The following SRPK1 variants were observed in gnomAD, a reference collection of about 807,000 sequenced individuals.
SRPK1 encodes the protein SFRS protein kinase 1.
SRPK1 carries 52 observed loss-of-function variants against 89.5 expected under a neutral mutation model. The ratio of observed to expected loss-of-function variants is 0.58; its 90% CI spans 0.46 to 0.73. SRPK1 has a LOEUF of 0.73. Among genes scored for constraint, SRPK1 ranks in the 30% least tolerant of loss-of-function variants. SRPK1 has a pLI of 0.00. For missense variants in SRPK1, 603 were observed against 780.6 expected (o/e 0.77, Z 2.71); for synonymous variants, 255 against 270.2 (o/e 0.94, Z 0.55).
At chr6:35,889,015 A>T in intron 3 of SRPK1, 92 bp from the exon 4 acceptor site, 1 of 783,960 alleles carries the variant, frequency 1.3e-6, no homozygotes. Flanking sequence ...TTCAACATCT[A>T]TATACCTTTT....
chr6:35,899,340 A>G (rs1026522154), intron 2 of SRPK1, among the ~76,000 whole-genome samples: 1 of 152,114 alleles, frequency 6.6e-6, no homozygotes, highest in Non-Finnish European at 1.5e-5. Context: ...ACCCTTTCAG[A>G]GAACTTCCTT....
At chr6:35,848,860 G>A (rs1016790804) in intron 13 of SRPK1, among the ~76,000 whole-genome samples, 1 of 152,192 alleles carries the variant, frequency 6.6e-6, no homozygotes, top group Non-Finnish European at 1.5e-5. Flanking sequence ...ATGGATGAAA[G>A]ACTTAATAAG....
intron 2 of SRPK1, among the ~76,000 whole-genome samples, chr6:35,909,808 A>G (rs1770923602): frequency 6.6e-6 from 1 of 152,128 alleles, no homozygotes; most frequent in Admixed American, 6.5e-5. Flanking sequence ...TGTGAAGAAG[A>G]TGCCTGCTTC....
chr6:35,856,622 T>C (rs755047042), intron 13 of SRPK1, among the ~76,000 whole-genome samples: 4 of 152,098 alleles, frequency 2.6e-5, no homozygotes, highest in Non-Finnish European at 5.9e-5. Flanking sequence ...CCTGACAATA[T>C]GGGGCTTACA....
At chr6:35,845,290 T>A (rs139153640) in intron 13 of SRPK1, among the ~76,000 whole-genome samples, 1 of 152,240 alleles carries the variant, frequency 6.6e-6, no homozygotes, top group Admixed American at 6.5e-5. Context: ...GTAGGTTCAT[T>A]GTTTGTAACA....
At chr6:35,884,421 GAACA>G (rs2127255095) in intron 6 of SRPK1, among the ~76,000 whole-genome samples, 1 of 152,318 alleles carries the variant, frequency 6.6e-6, no homozygotes, top group South Asian at 2.1e-4. Context: ...AAAAACGCCT[GAACA>G]AACATACACA....
chr6:35,862,231 A>G (rs1335834346), intron 12 of SRPK1, among the ~76,000 whole-genome samples: 3 of 152,072 alleles, frequency 2.0e-5, no homozygotes, highest in African/African-American at 4.8e-5. Context: ...TCACACCTCC[A>G]GGACCCACTA....
intron 2 of SRPK1, among the ~76,000 whole-genome samples, chr6:35,910,804 C>T (rs1770942287): frequency 6.6e-6 from 1 of 152,182 alleles, no homozygotes; most frequent in South Asian, 2.1e-4. Flanking sequence ...ATCTACTCTG[C>T]CTGTGCTCTA....
At chr6:35,920,940 G>C in intron 1 of SRPK1, 104 bp downstream of exon 1, 1 of 1,293,732 alleles carries the variant, frequency 7.7e-7, no homozygotes, top group South Asian at 1.3e-5. Flanking sequence ...GGCGCCGCAC[G>C]TCCGGGAACC....
intron 2 of SRPK1, among the ~76,000 whole-genome samples, chr6:35,916,246 T>TAAATAAATAAATAAATA (rs1554158253): frequency 3.8e-5 from 5 of 131,020 alleles, no homozygotes; most frequent in Non-Finnish European, 8.1e-5. Flanking sequence ...ATAAATAAAT[T>TAAATAAATAAATAAATA]AATTAATTAA....
intron 14 of SRPK1, 121 bp from the exon 15 acceptor site, chr6:35,838,550 C>T: frequency 6.7e-6 from 9 of 1,341,466 alleles, no homozygotes; most frequent in Non-Finnish European, 9.2e-6. Flanking sequence ...GCCTATCAGG[C>T]TTACTTTCTA....
intron 3 of SRPK1, 38 bp from the exon 4 acceptor site, chr6:35,888,961 G>T: frequency 7.1e-7 from 1 of 1,400,152 alleles, no homozygotes; most frequent in Non-Finnish European, 1.0e-6. Flanking sequence ...GAAAAACCAG[G>T]ATGAGAAACA....
Position 35,838,317 on chromosome 6 carries a change from TGGGAACAC to T in SRPK1, c.1783+12_1783+19del. On this transcript the variant is annotated intron_variant, in intron 15 of 15. Transcript: ENST00000373825. ...TAAACACTTCTGCCTCCTTAATGTC[TGGGAACAC>T]ATTTACTTTACCTTTTTTGGTGAAA... 6.6e-7 allele frequency: 1 copy of T among 1,524,068 alleles called. No homozygotes were observed. The highest frequency in any genetic ancestry group is 1.3e-5 in the South Asian group (1 of 78,174). 94.4% of individuals were successfully genotyped at this position (1,524,068 alleles called of 1,614,324 possible).
chr6:35,876,443 C>A (rs191627662), intron 6 of SRPK1, among the ~76,000 whole-genome samples: 1 of 152,196 alleles, frequency 6.6e-6, no homozygotes, highest in Admixed American at 6.5e-5. Context: ...TCAAGAAGAC[C>A]AGCCTGGGCA....
intron 2 of SRPK1, chr6:35,905,124 G>T: frequency 5.2e-6 from 1 of 193,552 alleles, no homozygotes; most frequent in Non-Finnish European, 1.1e-5. Flanking sequence ...TCCAGCCTAG[G>T]TGACTGAGAC....
intron 11 of SRPK1, 143 bp from the exon 12 acceptor site, chr6:35,869,253 C>T: frequency 3.4e-6 from 3 of 875,880 alleles, no homozygotes; most frequent in East Asian, 2.6e-5. Context: ...AAGAGCACAG[C>T]AACGCCTTGA....
intron 12 of SRPK1, among the ~76,000 whole-genome samples, chr6:35,868,398 T>TTTA (rs1769956972): frequency 6.6e-6 from 1 of 152,182 alleles, no homozygotes; most frequent in Non-Finnish European, 1.5e-5. Context: ...ACACTATACA[T>TTTA]CATAAAGCCC....
At chr6:35,910,460 G>A (rs1045489523) in intron 2 of SRPK1, among the ~76,000 whole-genome samples, 1 of 152,234 alleles carries the variant, frequency 6.6e-6, no homozygotes, top group Non-Finnish European at 1.5e-5. Context: ...GTTGGTTCAT[G>A]AAGTTTACAG....
chr6:35,856,523 G>C (rs1176282262), intron 13 of SRPK1, among the ~76,000 whole-genome samples: 1 of 152,090 alleles, frequency 6.6e-6, no homozygotes, highest in African/African-American at 2.4e-5. Flanking sequence ...TGATAACTCT[G>C]GGTAGTTAGC....
Sources: allele counts gnomAD v4.1 joint callset (sites outside exome capture counted in the v4.1 genomes callset), GRCh38; gene constraint gnomAD v4.1.1; transcripts MANE v1.5; gene names NCBI Gene and HGNC (gene_info 2026-07-23, HGNC 2026-07-21).